GRID2: variants seen among roughly 807,000 people sequenced by gnomAD.
GRID2 encodes the protein glutamate receptor ionotropic, delta-2.
Under a neutral mutation model 114.8 loss-of-function variants are expected in GRID2, and 33 were observed. The observed-to-expected ratio is 0.29, with a 90% CI of 0.22 to 0.38. The LOEUF is 0.38. Among genes scored for constraint, GRID2 ranks in the 10% least tolerant of loss-of-function variants. The pLI, the probability that GRID2 is intolerant of heterozygous loss-of-function variation, is 1.00. For synonymous variants in GRID2, 505 were observed against 449.9 expected, an observed-to-expected ratio of 1.12 and a Z score of -1.55; for missense variants, 1,184 against 1,257.7, an observed-to-expected ratio of 0.94 and a Z score of 0.89.
intron 14 of GRID2, among the ~76,000 whole-genome samples, chr4:93,702,306 T>C (rs966247989): frequency 1.3e-5 from 2 of 152,182 alleles, no homozygotes; most frequent in Non-Finnish European, 2.9e-5. Flanking sequence ...TAATCATAAC[T>C]TTGGATATCT....
chr4:93,063,945 T>G (rs951940051), intron 2 of GRID2, among the ~76,000 whole-genome samples: 1 of 151,402 alleles, frequency 6.6e-6, no homozygotes, highest in African/African-American at 2.4e-5. Context: ...AGGAATTATC[T>G]TTTCTCAATG....
intron 14 of GRID2, among the ~76,000 whole-genome samples, chr4:93,672,088 T>C (rs1724473255): frequency 1.3e-5 from 2 of 152,202 alleles, no homozygotes; most frequent in South Asian, 4.1e-4. Context: ...TCTGACCTTC[T>C]TTTTGCTGCT....
At chr4:93,746,192 G>T (rs952157505) in intron 14 of GRID2, among the ~76,000 whole-genome samples, 3 of 152,000 alleles carry the variant, frequency 2.0e-5, no homozygotes, top group African/African-American at 7.2e-5. Context: ...TGGTAGAAAG[G>T]CTAAGTCACT....
intron 8 of GRID2, among the ~76,000 whole-genome samples, chr4:93,374,546 A>G (rs1763205169): frequency 6.6e-6 from 1 of 151,958 alleles, no homozygotes; most frequent in Non-Finnish European, 1.5e-5. Flanking sequence ...CTGGTATCTT[A>G]TTTTTGCTTA....
chr4:93,112,794 C>G (rs1732893313), intron 4 of GRID2, among the ~76,000 whole-genome samples: 1 of 152,106 alleles, frequency 6.6e-6, no homozygotes, highest in South Asian at 2.1e-4. Context: ...TTCTAAGCCT[C>G]CCTCCTTGGC....
chr4:92,572,570 G>A (rs984257219), intron 1 of GRID2, among the ~76,000 whole-genome samples: 1 of 152,086 alleles, frequency 6.6e-6, no homozygotes, highest in Non-Finnish European at 1.5e-5. Context: ...AAGCCTGGCA[G>A]AGATACAACA....
intron 2 of GRID2, among the ~76,000 whole-genome samples, chr4:92,653,372 G>A (rs1030779984): frequency 6.6e-6 from 1 of 150,852 alleles, no homozygotes; most frequent in Non-Finnish European, 1.5e-5. Flanking sequence ...ATTGTTTTCA[G>A]GAGCTAGAGA....
intron 4 of GRID2, among the ~76,000 whole-genome samples, chr4:93,206,859 A>G (rs1271771124): frequency 6.6e-6 from 1 of 152,102 alleles, no homozygotes; most frequent in Non-Finnish European, 1.5e-5. Context: ...CTTTCAGATA[A>G]TTTTAGAATA....
At chr4:93,038,604 C>G (rs1725161376) in intron 2 of GRID2, among the ~76,000 whole-genome samples, 8 of 152,194 alleles carry the variant, frequency 5.3e-5, no homozygotes, top group Admixed American at 4.6e-4. Context: ...TCCTGGCTAA[C>G]ATGGTGAAAC....
intron 1 of GRID2, among the ~76,000 whole-genome samples, chr4:92,373,744 T>A (rs1729225868): frequency 6.6e-6 from 1 of 152,134 alleles, no homozygotes; most frequent in Admixed American, 6.6e-5. Context: ...TTATCAAACT[T>A]TTACTTATAT....
rs79321619 is a variant in GRID2, at chr4:93,399,616, G to A, written c.1347+3908G>A. 5.3e-3 allele frequency among the ~76,000 whole-genome samples: 811 copies of A among 152,192 alleles called. 4 individuals are homozygous for A. Among genetic ancestry groups the A allele is most frequent in the African/African-American group, 0.019 (773 of 41,542 alleles). ...GGAGGAAGCATTATTACTAGACAAA[G>A]CAATAGAGCCATGGGAGAGAGACCA... On this transcript the variant is annotated intron_variant, in intron 9 of 15. Transcript: ENST00000282020.
chr4:92,380,471 C>G (rs769264894), intron 1 of GRID2, among the ~76,000 whole-genome samples: 97 of 151,890 alleles, frequency 6.4e-4, no homozygotes, highest in Non-Finnish European at 1.1e-3. Context: ...TACAAAATTT[C>G]TTTCCTCCCC....
At chr4:93,682,088 A>T (rs1725612123) in intron 14 of GRID2, among the ~76,000 whole-genome samples, 1 of 151,862 alleles carries the variant, frequency 6.6e-6, no homozygotes, top group South Asian at 2.1e-4. Context: ...TTACAAGAAA[A>T]TAACAAACAA....
chr4:93,483,034 A>G (rs769970988), intron 11 of GRID2, among the ~76,000 whole-genome samples: 1 of 152,040 alleles, frequency 6.6e-6, no homozygotes, highest in Non-Finnish European at 1.5e-5. Flanking sequence ...CAATACTTAT[A>G]TAAAGGTGAC....
intron 2 of GRID2, among the ~76,000 whole-genome samples, chr4:92,916,566 T>G (rs1009011559): frequency 1.3e-5 from 2 of 152,090 alleles, no homozygotes; most frequent in Non-Finnish European, 2.9e-5. Context: ...TGTGTCCATG[T>G]GTTCTCATTA....
intron 11 of GRID2, among the ~76,000 whole-genome samples, chr4:93,475,979 CTGTTTCGG>C (rs1172569504): frequency 6.6e-6 from 1 of 152,048 alleles, no homozygotes; most frequent in Non-Finnish European, 1.5e-5. Flanking sequence ...ACAATATTTA[CTGTTTCGG>C]TGCCTTTCCC....
At chr4:92,600,654 G>C (rs897887714) in intron 2 of GRID2, among the ~76,000 whole-genome samples, 2 of 152,132 alleles carry the variant, frequency 1.3e-5, no homozygotes, top group African/African-American at 4.8e-5. Context: ...GGCTGCTGTG[G>C]TTTGCTCGGG....
At chr4:92,868,335 C>T (rs1745051558) in intron 2 of GRID2, among the ~76,000 whole-genome samples, 1 of 152,062 alleles carries the variant, frequency 6.6e-6, no homozygotes, top group Non-Finnish European at 1.5e-5. Flanking sequence ...CCCACCCTTT[C>T]ACACCAACCT....
At chr4:93,105,082 G>C (rs2149344683) in intron 3 of GRID2, among the ~76,000 whole-genome samples, 1 of 152,128 alleles carries the variant, frequency 6.6e-6, no homozygotes, top group South Asian at 2.1e-4. Flanking sequence ...TTTTTCATGT[G>C]TCTTTTGGCT....
Sources: allele counts gnomAD v4.1 joint callset (sites outside exome capture counted in the v4.1 genomes callset), GRCh38; gene constraint gnomAD v4.1.1; transcripts MANE v1.5; gene names NCBI Gene and HGNC (gene_info 2026-07-23, HGNC 2026-07-21).